PIEZO1: variants seen among roughly 807,000 people sequenced by gnomAD.
PIEZO1 encodes piezo-type mechanosensitive ion channel component 1.
Under a neutral mutation model 297.2 loss-of-function variants are expected in PIEZO1, and 296 were observed. That is an observed-to-expected ratio of 1.00 (90% CI 0.91 to 1.10). The LOEUF (loss-of-function observed/expected upper bound fraction) is 1.10, where lower values mean the gene tolerates loss of function less well. Among genes scored for constraint, PIEZO1 ranks in the 50% least tolerant of loss-of-function variants. The probability of loss-of-function intolerance (pLI) is 0.00; values close to 1 mark genes in which losing one functional copy is unlikely to be tolerated. For missense variants in PIEZO1, 5,018 were observed against 3,455.5 expected, an observed-to-expected ratio of 1.45 and a Z score of -11.34; for synonymous variants, 2,427 against 1,507.5, an observed-to-expected ratio of 1.61 and a Z score of -14.13.
intron 27 of PIEZO1, 194 bp from the exon 28 acceptor site, chr16:88,725,878 C>T (rs563381920): frequency 4.7e-5 from 28 of 593,384 alleles, no homozygotes; most frequent in Admixed American, 3.1e-4. Context: ...GCCCTTCTGC[C>T]GTACAGATGC....
In PIEZO1 at chr16:88,727,203, CAGG is replaced by C; in HGVS notation, c.3302-14_3302-12del. ...GCAGGAGAAAGTCGCCTGCAGGACACAGGAGCCGCCGCTGTGCCACACGGGGAC... is the reference window on the plus strand; with the variant it reads ...GCAGGAGAAAGTCGCCTGCAGGACACAGCCGCCGCTGTGCCACACGGGGAC... On this transcript the variant is annotated splice_polypyrimidine_tract_variant and intron_variant, in intron 23 of 50. Transcript: ENST00000301015. 1 of 1,525,438 alleles carries C rather than the reference CAGG, an allele frequency of 6.6e-7. No homozygotes were observed. Among genetic ancestry groups the C allele is most frequent in the Non-Finnish European group, 8.8e-7 (1 of 1,133,386 alleles). The allele number at this position is 1,525,438 out of a possible 1,614,324, so 94.5% of individuals were successfully genotyped here.
rs1402947862 is a variant in PIEZO1, at chr16:88,734,640, C to G, written c.1997+10G>C. 3.4e-5 allele frequency: 52 copies of G among 1,550,070 alleles called. No homozygotes were observed. The East Asian group carries it at 1.2e-3, about 37-fold the overall frequency. ...GGCGCCCCTGCCCCACCGCCCCAGC[C>G]TGGACTCACTGCTCGTCGGTGAAGC... On this transcript the variant is annotated intron_variant, in intron 15 of 50. Coordinates refer to ENST00000301015, the MANE Select transcript of PIEZO1 (RefSeq NM_001142864.4).
chr16:88,758,919 T>A (rs991826068), intron 1 of PIEZO1, among the ~76,000 whole-genome samples: 1 of 152,204 alleles, frequency 6.6e-6, no homozygotes, highest in Non-Finnish European at 1.5e-5. Flanking sequence ...CGCCTACCAT[T>A]CCTTTTGTGT....
intron 1 of PIEZO1, among the ~76,000 whole-genome samples, chr16:88,764,132 G>T (rs965726337): frequency 6.6e-6 from 1 of 152,156 alleles, no homozygotes; most frequent in Admixed American, 6.5e-5. Flanking sequence ...GGGAACATCA[G>T]ATGCGAAGGT....
rs558960145 is a variant in PIEZO1, at chr16:88,764,674, C to T, written c.65-15195G>A. ...GCTGAGGCAGGAGAATCGCTTGAAC[C>T]TGGGAGCCTGGGATCCCAGTGAGCT... On this transcript the variant is annotated intron_variant, in intron 1 of 50. Transcript: ENST00000301015. Among the ~76,000 whole-genome samples, 4 of 151,278 alleles carry T rather than the reference C, an allele frequency of 2.6e-5. No individual in the cohort carries two copies. In the South Asian group the frequency reaches 6.3e-4, roughly 24 times the overall value.
intron 41 of PIEZO1, 33 bp downstream of exon 41, chr16:88,720,352 G>T: frequency 6.5e-7 from 1 of 1,550,146 alleles, no homozygotes; most frequent in Non-Finnish European, 8.7e-7. Context: ...TGAGCTCTGC[G>T]TACACTGGGT....
At chr16:88,724,085 G>A (rs1314800763) in intron 30 of PIEZO1, 114 bp from the exon 31 acceptor site, 25 of 671,290 alleles carry the variant, frequency 3.7e-5, no homozygotes, top group South Asian at 1.5e-4. Context: ...CGGAGTAGCC[G>A]GGAGCAGTGC....
intron 44 of PIEZO1, chr16:88,717,421 A>C (rs925122126): frequency 1.6e-6 from 1 of 642,042 alleles, no homozygotes; most frequent in African/African-American, 1.8e-5. Flanking sequence ...GATCTTAGAC[A>C]AGGGAGCTGT....
intron 10 of PIEZO1, chr16:88,736,962 T>G (rs1189304393): frequency 2.2e-6 from 1 of 446,066 alleles, no homozygotes; most frequent in Non-Finnish European, 4.0e-6. Flanking sequence ...TCACTTTCCT[T>G]GAAAGGGTGG....
intron 44 of PIEZO1, chr16:88,717,701 G>A (rs564592131): frequency 5.7e-5 from 25 of 439,854 alleles, no homozygotes; most frequent in South Asian, 4.0e-4. Context: ...AAATTTAAGA[G>A]ACAGTCCATA....
intron 22 of PIEZO1, among the ~76,000 whole-genome samples, chr16:88,730,566 C>G (rs1448988406): frequency 6.8e-6 from 1 of 146,682 alleles, no homozygotes; most frequent in Non-Finnish European, 1.5e-5. Context: ...CCAGTGTACT[C>G]CAGCCTGGGT....
chr16:88,764,237 T>TG lies in PIEZO1; in HGVS notation c.65-14759dup, dbSNP rs376192942. ...GACACGGGGTCTCGGCCACAGGAGATGGGGTCCTCTTGAAGCCCCAGCAGC... is the reference window on the plus strand; with the variant it reads ...GACACGGGGTCTCGGCCACAGGAGATGGGGGTCCTCTTGAAGCCCCAGCAGC... On this transcript the variant is annotated intron_variant, in intron 1 of 50. Transcript: ENST00000301015. Among the ~76,000 whole-genome samples, 461 of 152,200 alleles carry TG rather than the reference T, an allele frequency of 3.0e-3. 1 individual carries two copies. Among genetic ancestry groups the TG allele is most frequent in the African/African-American group, 0.011 (449 of 41,530 alleles).
intron 2 of PIEZO1, 88 bp from the exon 3 acceptor site, chr16:88,742,510 C>T (rs11648555): frequency 4.3e-6 from 6 of 1,411,444 alleles, no homozygotes; most frequent in African/African-American, 2.9e-5. Flanking sequence ...GCCCCCAGCC[C>T]GGCCAGAGCC....
At chr16:88,719,993 C>G in intron 42 of PIEZO1, 33 bp from the exon 43 acceptor site, 2 of 1,549,582 alleles carry the variant, frequency 1.3e-6, no homozygotes, top group Non-Finnish European at 1.7e-6. Flanking sequence ...AGGACCCCAT[C>G]AGAAACAGCC....
rs747516028 is a variant in PIEZO1 at position 88,726,275 on chromosome 16, C to A, written c.3968+9G>T. Reference sequence around the variant, plus strand: ...GGGAGCTCTGGGCTGTGTCTGGGCCCAAGCTTGCCTGGAGGCTAGCAGGGC... The same window carrying A: ...GGGAGCTCTGGGCTGTGTCTGGGCCAAAGCTTGCCTGGAGGCTAGCAGGGC... On this transcript the variant is annotated intron_variant, in intron 27 of 50. Coordinates refer to ENST00000301015, the MANE Select transcript of PIEZO1 (RefSeq NM_001142864.4). 35 of 1,544,524 alleles carry A rather than the reference C, an allele frequency of 2.3e-5. No individual in the cohort carries two copies. The highest frequency in any genetic ancestry group is 1.4e-4 in the South Asian group (12 of 83,430).
intron 22 of PIEZO1, among the ~76,000 whole-genome samples, chr16:88,730,314 G>A (rs748609817): frequency 1.3e-5 from 2 of 152,148 alleles, no homozygotes; most frequent in Admixed American, 6.5e-5. Flanking sequence ...AGACGGGGCC[G>A]GGCGTGGCAG....
At chr16:88,733,017 G>A (rs1246716901) in intron 19 of PIEZO1, 3 of 583,028 alleles carry the variant, frequency 5.1e-6, no homozygotes, top group African/African-American at 3.7e-5. Context: ...CTGTCCAGGG[G>A]TGGGGCCCTC....
chr16:88,759,403 G>A (rs765489862), intron 1 of PIEZO1, among the ~76,000 whole-genome samples: 3 of 152,224 alleles, frequency 2.0e-5, no homozygotes, highest in Non-Finnish European at 2.9e-5. Context: ...ACAGGGAGCC[G>A]GGGTCCTGGT....
chr16:88,716,001 G>T lies in PIEZO1; in HGVS notation c.7248C>A (p.Asn2416Lys). 1 of 1,550,230 alleles carries T rather than the reference G, an allele frequency of 6.5e-7. No individual in the cohort carries two copies. The highest frequency in any genetic ancestry group is 8.7e-7 in the Non-Finnish European group (1 of 1,146,918). ...CACTGAAAATGACCATGGGCAGCAGGTTGCAGTCGGTCCGGCACTCCTGCA... is the reference window on the plus strand; with the variant it reads ...CACTGAAAATGACCATGGGCAGCAGTTTGCAGTCGGTCCGGCACTCCTGCA... ...IELQECRTDC[N>K]LLPMVIFSDK... The change falls in exon 50 of 51, where the codon AAC (asparagine) becomes AAA (lysine). Residue 2416 changes from asparagine to lysine, a missense_variant. Physicochemically the swap from Asn to Lys is moderately conservative, Grantham distance 94. Transcript: ENST00000301015.
Sources: gnomAD v4.1 joint callset for allele counts (sites outside exome capture counted in the v4.1 genomes callset) on GRCh38, gnomAD v4.1.1 for gene constraint, MANE v1.5 for transcripts, NCBI Gene and HGNC (gene_info 2026-07-23, HGNC 2026-07-21) for gene names.